The following ZNF610 variants were observed in gnomAD, a reference collection of about 807,000 sequenced individuals.
ZNF610 encodes zink finger protein.
Under a neutral mutation model 14.1 loss-of-function variants are expected in ZNF610, and 14 were observed. That is an observed-to-expected ratio of 0.99 (90% CI 0.65 to 1.55). ZNF610 has a LOEUF of 1.55. Ranked by LOEUF, ZNF610 falls within the 40% of genes most tolerant of loss-of-function variation. The probability of loss-of-function intolerance (pLI) is 0.00; values close to 1 mark genes in which losing one functional copy is unlikely to be tolerated. For synonymous variants in ZNF610, 185 were observed against 187.6 expected, an observed-to-expected ratio of 0.99 and a Z score of 0.11; for missense variants, 530 against 558.0, an observed-to-expected ratio of 0.95 and a Z score of 0.51.
intron 5 of ZNF610, among the ~76,000 whole-genome samples, chr19:52,358,552 A>T (rs1985640082): frequency 6.6e-6 from 1 of 152,256 alleles, no homozygotes; most frequent in Non-Finnish European, 1.5e-5. Context: ...TTAGATATAT[A>T]AAATCTTATC....
At chr19:52,332,329 A>G (rs10404965), upstream of ZNF610, among the ~76,000 whole-genome samples, 100,164 of 151,992 alleles carry the variant, frequency 0.66, 33,416 homozygotes, top group African/African-American at 0.74. The surrounding 1 kb of genome is among the most constrained non-coding windows in gnomAD (Gnocchi z 4.1). Context: ...TCCATAGGCA[A>G]GCACTCTTGA....
chr19:52,367,621 TA>T lies in ZNF610; in HGVS notation c.*856del, dbSNP rs1312653749. 6.6e-6 allele frequency: 1 copy of T among 152,042 alleles called. No individual in the cohort carries two copies. The highest frequency in any genetic ancestry group is 1.5e-5 in the Non-Finnish European group (1 of 68,026). The allele number at this position is 152,042 out of a possible 1,614,324, so 9.4% of individuals were successfully genotyped here. On this transcript the variant is annotated 3_prime_UTR_variant, in exon 6 of 6. Transcript: ENST00000403906. The stretch of plus-strand genomic sequence containing the variant: ...CGCTTCTGGGTGCAATATACTTAAG[TA>T]AGTATGATGTTGAGTAATTACACTT...
At chr19:52,330,663 A>G in the ZNF610 span, among the ~76,000 whole-genome samples, 1 of 152,154 alleles carries the variant, frequency 6.6e-6, no homozygotes, top group African/African-American at 2.4e-5. Flanking sequence ...TCAGGTGGAG[A>G]GTGCAGGACA....
At chr19:52,353,316 A>T (rs1297271313) in intron 3 of ZNF610, among the ~76,000 whole-genome samples, 1 of 152,216 alleles carries the variant, frequency 6.6e-6, no homozygotes, top group Non-Finnish European at 1.5e-5. Context: ...TAAATCAATA[A>T]ACTCCATTGG....
At position 52,354,320 on chromosome 19, in the gene ZNF610, G is replaced by A; in HGVS notation, c.260G>A (p.Ser87Asn). Residue 87 changes from serine (S) to asparagine (N), a missense_variant, in exon 5 of 6, where the codon AGT becomes AAT. Transcript: ENST00000403906. The part of the protein sequence containing the change: ...KQRREPLILQ[S>N]QVKIVKNTDG... ...AGGAGAGAGCCCTTGATTCTGCAAA[G>A]TCAAGTTAAAATAGTAAAAAATACA... 5 of 1,614,120 alleles carry A rather than the reference G, an allele frequency of 3.1e-6. No homozygotes were observed. Among genetic ancestry groups the A allele is most frequent in the Non-Finnish European group, 3.4e-6 (4 of 1,180,014 alleles).
chr19:52,357,954 A>G (rs1473352958), intron 5 of ZNF610, among the ~76,000 whole-genome samples: 1 of 152,090 alleles, frequency 6.6e-6, no homozygotes, highest in Admixed American at 6.6e-5. Context: ...GTTCCTGCTC[A>G]CCTTCCTGTC....
At chr19:52,350,190 A>AT (rs571801131) in intron 3 of ZNF610, among the ~76,000 whole-genome samples, 99 of 152,220 alleles carry the variant, frequency 6.5e-4, no homozygotes, top group Non-Finnish European at 1.3e-3. Flanking sequence ...GCAATTAGTT[A>AT]TTTTTTTATG....
chr19:52,337,107 A>G (rs1221967572), intron 1 of ZNF610, among the ~76,000 whole-genome samples: 3 of 152,142 alleles, frequency 2.0e-5, no homozygotes, highest in Non-Finnish European at 2.9e-5. Context: ...ATGTAGAGAA[A>G]AGCTGGGTCT....
At chr19:52,332,163 T>C (rs573502115), upstream of ZNF610, among the ~76,000 whole-genome samples, 11 of 152,336 alleles carry the variant, frequency 7.2e-5, no homozygotes, top group African/African-American at 2.6e-4. This position sits in a 1 kb window ranked among gnomAD's most constrained non-coding sequence, Gnocchi z 4.1. Context: ...GGAAGTTTTC[T>C]GAATCAGGGT....
chr19:52,330,848 A>G, the ZNF610 span, among the ~76,000 whole-genome samples: 200 of 152,358 alleles, frequency 1.3e-3, no homozygotes, highest in African/African-American at 4.7e-3. Context: ...ACCAAGAAGG[A>G]TCTATTAATG....
At chr19:52,340,127 G>A (rs576784747) in intron 1 of ZNF610, among the ~76,000 whole-genome samples, 4 of 152,314 alleles carry the variant, frequency 2.6e-5, no homozygotes, top group African/African-American at 7.2e-5. Context: ...CGGGCCAGAC[G>A]CGTTGGCTTA....
chr19:52,345,906 A>G (rs561094466), intron 1 of ZNF610, among the ~76,000 whole-genome samples: 190 of 150,984 alleles, frequency 1.3e-3, no homozygotes, highest in East Asian at 9.1e-3. Flanking sequence ...GGGTTTCACC[A>G]TGTTAGCCAG....
At chr19:52,349,493 G>A (rs1985140969) in intron 3 of ZNF610, among the ~76,000 whole-genome samples, 1 of 152,050 alleles carries the variant, frequency 6.6e-6, no homozygotes, top group African/African-American at 2.4e-5. Flanking sequence ...GGGCAGCAGG[G>A]ATTGTTCAGG....
At chr19:52,346,862 T>C (rs1984985848) in intron 1 of ZNF610, among the ~76,000 whole-genome samples, 1 of 152,122 alleles carries the variant, frequency 6.6e-6, no homozygotes, top group Non-Finnish European at 1.5e-5. Context: ...CCTGAGTAGC[T>C]GGGACTACAA....
upstream of ZNF610, among the ~76,000 whole-genome samples, chr19:52,335,061 G>A (rs552870112): frequency 3.6e-5 from 2 of 55,264 alleles, no homozygotes; most frequent in South Asian, 4.1e-4. Context: ...TTTGGGGGCC[G>A]GGGCGTGGGG....
chr19:52,363,730 T>G (rs1985894588), intron 5 of ZNF610, among the ~76,000 whole-genome samples: 1 of 152,228 alleles, frequency 6.6e-6, no homozygotes, highest in Non-Finnish European at 1.5e-5. Flanking sequence ...TTCCATCCTT[T>G]CAGTTTCAGC....
chr19:52,366,190 G>A lies in ZNF610; in HGVS notation c.812G>A (p.Arg271His), dbSNP rs770299812. 2.7e-5 allele frequency: 44 copies of A among 1,613,446 alleles called. No individual in the cohort carries two copies. The highest frequency in any genetic ancestry group is 2.3e-4 in the African/African-American group (17 of 74,862). The part of the protein sequence containing the change: ...KCSECDKVFN[R>H]NSNLARHQRI... ...AGTGAATGTGACAAGGTGTTTAATC[G>A]CAATTCAAACCTTGCACGACATCAA... is the stretch of plus-strand genomic sequence containing the variant. Residue 271 changes from arginine to histidine, a missense_variant, in exon 6 of 6, where the codon CGC becomes CAC. Transcript: ENST00000403906.
rs910552919 is a variant in ZNF610 at position 52,366,429 on chromosome 19, A to G, written c.1051A>G (p.Lys351Glu). The G allele has an allele frequency of 7.4e-6, 12 of 1,614,120 alleles. No homozygotes were observed. Among genetic ancestry groups the G allele is most frequent in the Non-Finnish European group, 1.0e-5 (12 of 1,180,054 alleles). Residue 351 changes from lysine to glutamate, a missense_variant, in exon 6 of 6, where the codon AAG (lysine) becomes GAG (glutamate). Coordinates refer to ENST00000403906, the MANE Select transcript of ZNF610 (RefSeq NM_001161425.2). Reference protein sequence around the residue: ...EKPYKCNECGKVFSLLSYLAR... With the variant: ...EKPYKCNECGEVFSLLSYLAR... ...ACCTTACAAATGTAATGAATGTGGC[A>G]AGGTCTTTAGTCTGCTTTCATACCT...
chr19:52,334,936 A>AACACACACACACACACACACAC (rs559202600), upstream of ZNF610, among the ~76,000 whole-genome samples: 693 of 41,592 alleles, frequency 0.017, 9 homozygotes, highest in African/African-American at 0.037. Flanking sequence ...CTCAAAAACA[A>AACACACACACACACACACACAC]ACACACACAC....
Sources: allele counts gnomAD v4.1 joint callset (sites outside exome capture counted in the v4.1 genomes callset), GRCh38; gene constraint gnomAD v4.1.1; non-coding constraint Gnocchi (gnomAD v3.1); transcripts MANE v1.5; gene names NCBI Gene and HGNC (gene_info 2026-07-23, HGNC 2026-07-21).